Variants in DYNC2H1 observed in about 807,000 individuals in gnomAD.
DYNC2H1 encodes the protein cytoplasmic dynein 2 heavy chain 1.
A neutral mutation model predicts 570.0 loss-of-function variants in DYNC2H1; 410 were observed. The ratio of observed to expected loss-of-function variants is 0.72; its 90% CI spans 0.66 to 0.78. DYNC2H1 has a LOEUF of 0.78. DYNC2H1 is among the 30% of genes least tolerant of loss of function. The pLI is 0.00. For missense variants in DYNC2H1, 4,865 were observed against 5,046.4 expected (o/e 0.96, Z 1.09); for synonymous variants, 1,688 against 1,677.6 (o/e 1.01, Z -0.15).
chr11:103,136,504 C>T (rs557627057), intron 17 of DYNC2H1, among the ~76,000 whole-genome samples: 2 of 151,934 alleles, frequency 1.3e-5, no homozygotes, highest in East Asian at 3.9e-4. Context: ...CGATAGTTTA[C>T]TGAGAATAAT....
chr11:103,385,073 G>A lies in DYNC2H1; in HGVS notation c.12157-14590G>A, dbSNP rs553991414. 3.9e-5 allele frequency among the ~76,000 whole-genome samples: 6 copies of A among 152,082 alleles called. No homozygotes were observed. In the South Asian group the frequency reaches 1.2e-3, roughly 32 times the overall value. ...TTGCTTCTTTGATCTATCTTTTCTT[G>A]CTGCTTTTAAGATCTCTTTACCTTG... On this transcript the variant is annotated intron_variant, in intron 83 of 88. Coordinates refer to ENST00000375735, the MANE Select transcript of DYNC2H1 (RefSeq NM_001377.3).
intron 84 of DYNC2H1, chr11:103,402,065 G>T (rs1942667733): frequency 6.6e-6 from 1 of 152,086 alleles, no homozygotes; most frequent in Non-Finnish European, 1.5e-5. Flanking sequence ...ATTTATAGGA[G>T]GGTGAAGTAA....
chr11:103,207,724 C>G (rs750823711), intron 52 of DYNC2H1, among the ~76,000 whole-genome samples: 1 of 151,962 alleles, frequency 6.6e-6, no homozygotes, highest in Non-Finnish European at 1.5e-5. Context: ...CAGTAGAGGC[C>G]AAACAACATA....
chr11:103,205,890 G>A lies in DYNC2H1; in HGVS notation c.8454+926G>A, dbSNP rs887242885. On this transcript the variant is annotated intron_variant, in intron 52 of 88. Coordinates refer to ENST00000375735, the MANE Select transcript of DYNC2H1 (RefSeq NM_001377.3). The surrounding 1 kb of genome is among the most constrained non-coding windows in gnomAD (Gnocchi z 4.5). ...CAGAGAACTAAGAGGAAACCAGTTA[G>A]GATGGGGCTTTGTAAGCTACTACAC... Among the ~76,000 whole-genome samples the A allele has an allele frequency of 6.6e-5, 10 of 152,166 alleles. No individual in the cohort carries two copies. The highest frequency in any genetic ancestry group is 2.2e-4 in the African/African-American group (9 of 41,456).
intron 79 of DYNC2H1, 122 bp downstream of exon 79, chr11:103,312,155 C>CG: frequency 1.0e-6 from 1 of 995,036 alleles, no homozygotes; most frequent in Non-Finnish European, 1.4e-6. Flanking sequence ...CCAAGGTGGG[C>CG]GGATCACCTG....
At chr11:103,124,448 A>C (rs1166430705) in intron 11 of DYNC2H1, among the ~76,000 whole-genome samples, 20 of 146,596 alleles carry the variant, frequency 1.4e-4, no homozygotes, top group African/African-American at 5.0e-4. Flanking sequence ...CCTGTCTCAA[A>C]AAAAAAAAAA....
At chr11:103,414,141 A>C (rs1224533134) in intron 84 of DYNC2H1, among the ~76,000 whole-genome samples, 1 of 152,208 alleles carries the variant, frequency 6.6e-6, no homozygotes, top group Admixed American at 6.6e-5. Context: ...ATGGAAACAT[A>C]ACCTTTATCA....
At chr11:103,425,610 T>G (rs1424003387) in intron 84 of DYNC2H1, among the ~76,000 whole-genome samples, 3 of 152,052 alleles carry the variant, frequency 2.0e-5, no homozygotes, top group Non-Finnish European at 4.4e-5. Context: ...AATTGTAAAA[T>G]AATATGAAAA....
At position 103,219,961 on chromosome 11, in the gene DYNC2H1, T is replaced by C; in HGVS notation, c.8879T>C (p.Ile2960Thr). 1 of 1,514,572 alleles carries C rather than the reference T, an allele frequency of 6.6e-7. No individual in the cohort carries two copies. Among genetic ancestry groups the C allele is most frequent in the East Asian group, 2.6e-5 (1 of 38,310 alleles). The allele number at this position is 1,514,572 out of a possible 1,614,324, so 93.8% of individuals were successfully genotyped here. Reference sequence around the variant, plus strand: ...GAACTTGAAAGACTGAAGCACAGAATAGCAGAAGAAGTTGTTAAAATTGAA... The same window carrying C: ...GAACTTGAAAGACTGAAGCACAGAACAGCAGAAGAAGTTGTTAAAATTGAA... ...KTELERLKHR[I>T]AEEVVKIEER... The change falls in exon 56 of 89, where the codon ATA (isoleucine) becomes ACA (threonine). Residue 2960 changes from isoleucine (I) to threonine (T), a missense_variant. By Grantham distance (89) the Ile-to-Thr change is moderately conservative. Around this residue, in one of 5 missense-constraint regions of DYNC2H1, gnomAD observed 2,401 missense variants for 2,454.6 expected, o/e 0.98. Transcript: ENST00000375735.
intron 82 of DYNC2H1, among the ~76,000 whole-genome samples, chr11:103,338,521 G>A (rs1939274236): frequency 6.6e-6 from 1 of 152,038 alleles, no homozygotes; most frequent in Non-Finnish European, 1.5e-5. Context: ...ATGTTTTTGT[G>A]TACTCTTCAA....
intron 54 of DYNC2H1, among the ~76,000 whole-genome samples, chr11:103,213,113 C>T (rs11823807): frequency 2.0e-5 from 3 of 152,044 alleles, no homozygotes; most frequent in African/African-American, 4.8e-5. Flanking sequence ...CTGCTGTTTG[C>T]ACAGTAGGAT....
In DYNC2H1 at chr11:103,188,628, C is replaced by T. The variant is rs529206474; in HGVS notation, c.7272C>T (p.Ile2424=). ...AACTTACTACCAGATTTACTTCCAT[C>T]GTTCGTCTTTGTTCTATAGAGTATG... ...RHKLTTRFTS[I]VRLCSIDYPE... is the part of the protein sequence containing the mutation. The change falls in exon 44 of 89, where the codon ATC becomes ATT. Residue 2424 remains isoleucine (I), a synonymous_variant. Coordinates refer to ENST00000375735, the MANE Select transcript of DYNC2H1 (RefSeq NM_001377.3). The T allele has an allele frequency of 4.4e-6, 7 of 1,607,234 alleles. No individual in the cohort carries two copies. Among genetic ancestry groups the T allele is most frequent in the African/African-American group, 2.7e-5 (2 of 74,842 alleles).
intron 59 of DYNC2H1, among the ~76,000 whole-genome samples, 165 bp from the exon 60 acceptor site, chr11:103,231,095 T>C (rs867222960): frequency 2.5e-4 from 38 of 152,282 alleles, no homozygotes; most frequent in African/African-American, 9.1e-4. Flanking sequence ...AGGAAACACT[T>C]CTAATTTTAG....
chr11:103,209,856 A>G lies in DYNC2H1; in HGVS notation c.8455-20A>G. The stretch of plus-strand genomic sequence containing the variant: ...ATGGGACTTATACTCTTTCATAGTG[A>G]TATTCTTTTTATGTTTTAGATACCT... On this transcript the variant is annotated intron_variant, in intron 52 of 88. Coordinates refer to ENST00000375735, the MANE Select transcript of DYNC2H1 (RefSeq NM_001377.3). This position sits in a 1 kb window ranked among gnomAD's most constrained non-coding sequence, Gnocchi z 4.2. 6.9e-7 allele frequency: 1 copy of G among 1,454,718 alleles called. No homozygotes were observed. Among genetic ancestry groups the G allele is most frequent in the Non-Finnish European group, 9.1e-7 (1 of 1,099,766 alleles). The allele number at this position is 1,454,718 out of a possible 1,614,324, so 90.1% of individuals were successfully genotyped here.
chr11:103,388,899 G>T (rs1371551432), intron 83 of DYNC2H1, among the ~76,000 whole-genome samples: 2 of 152,138 alleles, frequency 1.3e-5, no homozygotes, highest in Non-Finnish European at 2.9e-5. Context: ...GCTGGATTTG[G>T]TTTGCCAGTA....
intron 47 of DYNC2H1, among the ~76,000 whole-genome samples, chr11:103,196,371 G>A (rs1862506580): frequency 6.6e-6 from 1 of 152,080 alleles, no homozygotes; most frequent in African/African-American, 2.4e-5. Flanking sequence ...TCATTTATGA[G>A]GGTAGGAATC....
intron 18 of DYNC2H1, 28 bp from the exon 19 acceptor site, chr11:103,147,744 T>C (rs1197152642): frequency 4.3e-6 from 6 of 1,410,978 alleles, no homozygotes; most frequent in Non-Finnish European, 6.0e-6. Context: ...CTTTTCCATG[T>C]CAAAATATGT....
intron 70 of DYNC2H1, among the ~76,000 whole-genome samples, chr11:103,276,284 G>T (rs1014812624): frequency 3.9e-5 from 6 of 152,096 alleles, no homozygotes; most frequent in African/African-American, 1.4e-4. Context: ...GAAATAACTT[G>T]CTTGTAGTAC....
At chr11:103,290,454 C>T (rs914615042) in intron 75 of DYNC2H1, among the ~76,000 whole-genome samples, 5 of 152,118 alleles carry the variant, frequency 3.3e-5, no homozygotes, top group African/African-American at 1.2e-4. Flanking sequence ...TCATGTTTGG[C>T]AGAGTAATTA....
Sources: gnomAD v4.1 joint callset for allele counts (sites outside exome capture counted in the v4.1 genomes callset) on GRCh38, gnomAD v4.1.1 for gene constraint, gnomAD v4.1.1 regional missense constraint, Gnocchi (gnomAD v3.1) non-coding constraint, MANE v1.5 for transcripts, NCBI Gene and HGNC (gene_info 2026-07-23, HGNC 2026-07-21) for gene names.